The following LGR4 variants were observed in gnomAD, a reference collection of about 807,000 sequenced individuals.
LGR4 encodes the protein leucine-rich repeat-containing G protein-coupled receptor 4.
Under a neutral mutation model 84.8 loss-of-function variants are expected in LGR4, and 44 were observed. That is an observed-to-expected ratio of 0.52 (90% CI 0.41 to 0.67). LGR4 has a LOEUF of 0.67. Among genes scored for constraint, LGR4 ranks in the 30% least tolerant of loss-of-function variants. The pLI is 0.00. For missense variants in LGR4, 1,032 were observed against 1,131.4 expected, an observed-to-expected ratio of 0.91 and a Z score of 1.26; for synonymous variants, 429 against 434.3, an observed-to-expected ratio of 0.99 and a Z score of 0.15.
At chr11:27,457,897 C>T (rs1369773745) in intron 1 of LGR4, among the ~76,000 whole-genome samples, 3 of 151,944 alleles carry the variant, frequency 2.0e-5, no homozygotes, top group Non-Finnish European at 4.4e-5. Context: ...GGAGCCAGGG[C>T]AGGAGGATCA....
intron 1 of LGR4, among the ~76,000 whole-genome samples, chr11:27,413,907 C>T (rs1863762270): frequency 1.3e-5 from 2 of 152,114 alleles, no homozygotes; most frequent in South Asian, 4.1e-4. Context: ...CTAGGTACGT[C>T]CTTTCTCCCC....
chr11:27,368,724 G>A lies in LGR4; in HGVS notation c.1999C>T (p.Leu667Phe), dbSNP rs1250405937. The A allele has an allele frequency of 6.2e-7, 1 of 1,613,644 alleles. No individual in the cohort carries two copies. The highest frequency in any genetic ancestry group is 8.5e-7 in the Non-Finnish European group (1 of 1,179,840). Residue 667 changes from leucine (L) to phenylalanine (F), a missense_variant, in exon 18 of 18, where the codon CTT becomes TTT. Physicochemically the swap from Leu to Phe is conservative, Grantham distance 22. Coordinates refer to ENST00000379214, the MANE Select transcript of LGR4 (RefSeq NM_018490.5). ...NHLKQFRVAA[L>F]LAFLGATVAG... is the part of the protein sequence containing the mutation. ...ACTGTAGCACCTAGGAAAGCCAAAA[G>A]GGCAGCAACCCGGAACTGTTTGAGA...
chr11:27,454,633 C>A (rs1490707374), intron 1 of LGR4, among the ~76,000 whole-genome samples: 1 of 151,950 alleles, frequency 6.6e-6, no homozygotes, highest in African/African-American at 2.4e-5. Flanking sequence ...TGGTGGCATG[C>A]ACCTGTAATC....
At position 27,446,436 on chromosome 11, in the gene LGR4, T is replaced by G. The variant is rs900610916; in HGVS notation, c.185+25682A>C. 1.8e-4 allele frequency among the ~76,000 whole-genome samples: 28 copies of G among 152,200 alleles called. No individual in the cohort carries two copies. In the South Asian group the frequency reaches 4.8e-3, roughly 26 times the overall value. On this transcript the variant is annotated intron_variant, in intron 1 of 17. Transcript: ENST00000379214. ...GCAGCCAAAAGACACATGAAAAAAT[T>G]CTCATCATCACTGGCCATCAGAGAA...
At chr11:27,378,423 G>C (rs140169903) in intron 11 of LGR4, among the ~76,000 whole-genome samples, 4 of 152,246 alleles carry the variant, frequency 2.6e-5, no homozygotes, top group African/African-American at 9.6e-5. Flanking sequence ...TAAAGACAAA[G>C]AGCAGGATGA....
chr11:27,435,911 ACTT>A (rs1004225455), intron 1 of LGR4, among the ~76,000 whole-genome samples: 1 of 149,208 alleles, frequency 6.7e-6, no homozygotes, highest in South Asian at 2.1e-4. Flanking sequence ...TGGAAATGGA[ACTT>A]CTTTTTTTTT....
intron 1 of LGR4, among the ~76,000 whole-genome samples, chr11:27,464,081 C>G (rs188656879): frequency 2.0e-5 from 3 of 152,348 alleles, no homozygotes; most frequent in Admixed American, 2.0e-4. Context: ...CTCTTCCCTA[C>G]TACAGAAAAG....
chr11:27,395,018 T>C (rs1216311310), intron 2 of LGR4, among the ~76,000 whole-genome samples: 2 of 152,122 alleles, frequency 1.3e-5, no homozygotes, highest in African/African-American at 4.8e-5. Context: ...AGTGCAAGCT[T>C]GGTACAAGCA....
chr11:27,471,354 C>T (rs1565104559), intron 1 of LGR4, among the ~76,000 whole-genome samples: 1 of 152,234 alleles, frequency 6.6e-6, no homozygotes, highest in South Asian at 2.1e-4. Context: ...GCATATGCTC[C>T]GGAACTTGCT....
chr11:27,422,246 A>T (rs1863935036), intron 1 of LGR4, among the ~76,000 whole-genome samples: 1 of 152,250 alleles, frequency 6.6e-6, no homozygotes, highest in Admixed American at 6.5e-5. Context: ...AGCATTTACT[A>T]TGGTAAATAT....
chr11:27,472,157 G>A lies in LGR4; in HGVS notation c.146C>T (p.Thr49Met). 1.4e-6 allele frequency: 2 copies of A among 1,385,732 alleles called. No homozygotes were observed. The highest frequency in any genetic ancestry group is 1.4e-5 in the South Asian group (1 of 70,294). 85.8% of individuals were successfully genotyped at this position (1,385,732 alleles called of 1,614,324 possible). The part of the protein sequence containing the change: ...RRVDCSGKGL[T>M]AVPEGLSAFT... ...GGCGCTGAGCCCCTCGGGCACGGCCGTCAGCCCCTTCCCGGAGCAGTCCAC... is the reference window on the plus strand; with the variant it reads ...GGCGCTGAGCCCCTCGGGCACGGCCATCAGCCCCTTCCCGGAGCAGTCCAC... The change falls in exon 1 of 18, where the codon ACG becomes ATG. Residue 49 changes from threonine (T) to methionine (M), a missense_variant. Transcript: ENST00000379214.
At chr11:27,451,984 G>C (rs1054419056) in intron 1 of LGR4, among the ~76,000 whole-genome samples, 3 of 152,128 alleles carry the variant, frequency 2.0e-5, no homozygotes, top group African/African-American at 2.4e-5. Context: ...ATACATAGCT[G>C]GGGGGAATGT....
chr11:27,385,846 T>A (rs1463670030), intron 4 of LGR4, among the ~76,000 whole-genome samples: 2 of 148,126 alleles, frequency 1.4e-5, no homozygotes, highest in African/African-American at 4.9e-5. Flanking sequence ...ACTGACCAAA[T>A]AGGCTACTTT....
intron 7 of LGR4, among the ~76,000 whole-genome samples, 168 bp downstream of exon 7, chr11:27,382,020 A>C (rs1328102648): frequency 1.3e-5 from 2 of 152,124 alleles, no homozygotes; most frequent in Non-Finnish European, 1.5e-5. Flanking sequence ...TATACTCAAA[A>C]TTGTCTCTGT....
intron 2 of LGR4, 23 bp from the exon 3 acceptor site, chr11:27,392,541 T>G: frequency 1.5e-6 from 2 of 1,349,096 alleles, no homozygotes; most frequent in Non-Finnish European, 2.0e-6. Context: ...AAAAAAAAAG[T>G]AGCAAGAAAA....
intron 1 of LGR4, among the ~76,000 whole-genome samples, chr11:27,429,786 A>G (rs1358506374): frequency 6.6e-6 from 1 of 152,224 alleles, no homozygotes. Flanking sequence ...GATTTAAAAG[A>G]GCAAAGGAAA....
intron 1 of LGR4, among the ~76,000 whole-genome samples, chr11:27,435,691 T>G (rs1864195238): frequency 6.6e-6 from 1 of 151,840 alleles, no homozygotes; most frequent in South Asian, 2.1e-4. Context: ...TTTCATCATG[T>G]TAGCCAGGCT....
At chr11:27,378,492 A>G (rs993410330) in intron 11 of LGR4, among the ~76,000 whole-genome samples, 4 of 152,210 alleles carry the variant, frequency 2.6e-5, no homozygotes, top group Non-Finnish European at 5.9e-5. Context: ...AGTCACAAGT[A>G]TATGATATAT....
intron 1 of LGR4, among the ~76,000 whole-genome samples, chr11:27,458,353 TAC>T (rs2133451489): frequency 6.6e-6 from 1 of 152,146 alleles, no homozygotes; most frequent in African/African-American, 2.4e-5. Context: ...AGGAGATAAC[TAC>T]AGAGAGGCAT....
Sources: gnomAD v4.1 joint callset for allele counts (sites outside exome capture counted in the v4.1 genomes callset) on GRCh38, gnomAD v4.1.1 for gene constraint, MANE v1.5 for transcripts, NCBI Gene and HGNC (gene_info 2026-07-23, HGNC 2026-07-21) for gene names.